Variants in ASTN2 observed in about 807,000 individuals in gnomAD.
ASTN2 encodes the protein astrotactin 2, also known as astrotactin-2.
Under a neutral mutation model 139.8 loss-of-function variants are expected in ASTN2, and 54 were observed. That is an observed-to-expected ratio of 0.39 (90% CI 0.31 to 0.48). The LOEUF (loss-of-function observed/expected upper bound fraction) is 0.48, where lower values mean the gene tolerates loss of function less well. Ranked by LOEUF, ASTN2 falls within the 20% of genes least tolerant of loss-of-function variation. The probability of loss-of-function intolerance (pLI) is 0.95; values close to 1 mark genes in which losing one functional copy is unlikely to be tolerated. For missense variants in ASTN2, 1,565 were observed against 1,725.1 expected (o/e 0.91, Z 1.64); for synonymous variants, 756 against 719.5 (o/e 1.05, Z -0.81).
chr9:116,693,240 A>G (rs1429681314), intron 16 of ASTN2, among the ~76,000 whole-genome samples: 1 of 152,166 alleles, frequency 6.6e-6, no homozygotes, highest in Non-Finnish European at 1.5e-5. Flanking sequence ...TCTTTTTATA[A>G]ACTAAGAAAA....
chr9:116,790,109 A>G (rs1005760818), intron 13 of ASTN2, among the ~76,000 whole-genome samples: 6 of 151,826 alleles, frequency 4.0e-5, no homozygotes, highest in Admixed American at 3.9e-4. Context: ...TGTTTTTAGT[A>G]AAGACTGGGT....
At chr9:116,569,709 C>T (rs535037552) in intron 19 of ASTN2, among the ~76,000 whole-genome samples, 1 of 152,302 alleles carries the variant, frequency 6.6e-6, no homozygotes, top group South Asian at 2.1e-4. Context: ...TGACACCTGG[C>T]TCATATGGTA....
At chr9:116,590,519 G>T (rs1314805449) in intron 19 of ASTN2, among the ~76,000 whole-genome samples, 2 of 152,216 alleles carry the variant, frequency 1.3e-5, no homozygotes, top group Non-Finnish European at 2.9e-5. Flanking sequence ...TGAACAACCT[G>T]GTGCCAGGGA....
At chr9:116,530,091 T>A in intron 19 of ASTN2, among the ~76,000 whole-genome samples, 1 of 94,402 alleles carries the variant, frequency 1.1e-5, no homozygotes, top group Non-Finnish European at 2.0e-5. Flanking sequence ...ATGGATAAAG[T>A]GTGATATATA....
At chr9:116,792,608 C>T (rs191628611) in intron 13 of ASTN2, among the ~76,000 whole-genome samples, 3 of 152,290 alleles carry the variant, frequency 2.0e-5, no homozygotes, top group Admixed American at 2.0e-4. Context: ...ATAACCTTTG[C>T]TACATTATGC....
At chr9:117,272,038 T>C (rs1834078320) in intron 2 of ASTN2, among the ~76,000 whole-genome samples, 1 of 152,194 alleles carries the variant, frequency 6.6e-6, no homozygotes. Flanking sequence ...AACCCCACGT[T>C]TCTCTTCCAC....
intron 13 of ASTN2, among the ~76,000 whole-genome samples, chr9:116,736,592 C>T (rs1002595217): frequency 6.6e-6 from 1 of 152,188 alleles, no homozygotes. Context: ...GTTAGCTATT[C>T]ACCACATGCC....
intron 3 of ASTN2, among the ~76,000 whole-genome samples, chr9:117,208,920 A>G (rs929586692): frequency 2.0e-5 from 3 of 152,200 alleles, no homozygotes; most frequent in Non-Finnish European, 4.4e-5. Context: ...TTACAGGCAT[A>G]TGGAAACTAA....
chr9:116,975,291 C>T lies in ASTN2; in HGVS notation c.1806G>A (p.Val602=), dbSNP rs771433969. Reference sequence around the variant, plus strand: ...TGATGGACAGCTCCACAGGCGGAACCACAAAGCTTTTGCTGACAGGAAGCC... The same window carrying T: ...TGATGGACAGCTCCACAGGCGGAACTACAAAGCTTTTGCTGACAGGAAGCC... ...GLWLPVSKSF[V]VPPVELSINP... is the part of the protein sequence containing the mutation. Residue 602 remains valine (V), a synonymous_variant, in exon 10 of 23, where the codon GTG becomes GTA. Transcript: ENST00000313400. The T allele has an allele frequency of 6.2e-7, 1 of 1,613,558 alleles. No homozygotes were observed. Among genetic ancestry groups the T allele is most frequent in the Non-Finnish European group, 8.5e-7 (1 of 1,179,752 alleles).
chr9:116,720,497 G>A (rs1162113869), intron 16 of ASTN2, among the ~76,000 whole-genome samples: 1 of 151,870 alleles, frequency 6.6e-6, no homozygotes, highest in Non-Finnish European at 1.5e-5. Context: ...TTCTCTTTGT[G>A]GATTTTGGTG....
Position 117,080,535 on chromosome 9 carries a change from G to A in ASTN2, c.1276+15509C>T, listed in dbSNP as rs1262189007. On this transcript the variant is annotated intron_variant, in intron 5 of 22. Coordinates refer to ENST00000313400, the MANE Select transcript of ASTN2 (RefSeq NM_001365068.1). ...AAATGTGTGAAGATTATGGTTGCAA[G>A]GATAAGAAAGAGTGTGCAGGAAATG... 3.3e-5 allele frequency among the ~76,000 whole-genome samples: 5 copies of A among 152,260 alleles called. No individual in the cohort carries two copies. The East Asian group carries it at 9.6e-4, about 29-fold the overall frequency.
intron 3 of ASTN2, among the ~76,000 whole-genome samples, chr9:117,158,196 CTA>C (rs1362523807): frequency 3.9e-5 from 6 of 152,014 alleles, no homozygotes; most frequent in African/African-American, 1.4e-4. Context: ...CTGCTAGTGA[CTA>C]TGCATTTATT....
At chr9:116,488,788 T>C (rs953682844) in intron 19 of ASTN2, among the ~76,000 whole-genome samples, 1 of 152,204 alleles carries the variant, frequency 6.6e-6, no homozygotes, top group Admixed American at 6.5e-5. Context: ...ATGGGCACTT[T>C]TTCTATCTTA....
intron 1 of ASTN2, among the ~76,000 whole-genome samples, chr9:117,300,990 C>T (rs1235629391): frequency 6.6e-6 from 1 of 152,106 alleles, no homozygotes; most frequent in Admixed American, 6.6e-5. Flanking sequence ...TCCCAAGCCA[C>T]TCAGTGAAGA....
At chr9:116,879,871 A>G (rs1035023620) in intron 10 of ASTN2, among the ~76,000 whole-genome samples, 3 of 152,194 alleles carry the variant, frequency 2.0e-5, no homozygotes, top group Non-Finnish European at 2.9e-5. Context: ...TTGTTTTCCA[A>G]TCTGATGAAG....
chr9:116,832,053 T>A (rs1055545852), intron 11 of ASTN2, among the ~76,000 whole-genome samples: 20 of 152,336 alleles, frequency 1.3e-4, no homozygotes, highest in Non-Finnish European at 2.8e-4. Flanking sequence ...CTGTATTTTT[T>A]ATATATTTTG....
intron 19 of ASTN2, among the ~76,000 whole-genome samples, chr9:116,590,279 A>G (rs775722191): frequency 5.3e-5 from 8 of 152,200 alleles, no homozygotes; most frequent in Admixed American, 6.5e-5. Flanking sequence ...GCTCAGAAAT[A>G]CCTGCTCCCA....
chr9:116,472,851 C>T (rs10983185), intron 20 of ASTN2, among the ~76,000 whole-genome samples: 8,435 of 149,670 alleles, frequency 0.056, 311 homozygotes, highest in East Asian at 0.16. Flanking sequence ...CGCTTGAACC[C>T]GGGAGGTGGA....
chr9:116,972,232 A>G (rs1836229717), intron 10 of ASTN2, among the ~76,000 whole-genome samples: 1 of 152,136 alleles, frequency 6.6e-6, no homozygotes. Context: ...TTATATAAAC[A>G]TATGATATTA....
Sources: gnomAD v4.1 joint callset for allele counts (sites outside exome capture counted in the v4.1 genomes callset) on GRCh38, gnomAD v4.1.1 for gene constraint, MANE v1.5 for transcripts, NCBI Gene and HGNC (gene_info 2026-07-23, HGNC 2026-07-21) for gene names.